BMP2K: variants seen among roughly 807,000 people sequenced by gnomAD.
BMP2K encodes BMP-2-inducible protein kinase.
In BMP2K, 74 loss-of-function variants were observed where a neutral mutation model predicts 116.0. The observed-to-expected ratio is 0.64, with a 90% CI of 0.53 to 0.77. The LOEUF (loss-of-function observed/expected upper bound fraction) is 0.77. Ranked by LOEUF, BMP2K falls within the 30% of genes least tolerant of loss-of-function variation. BMP2K has a pLI of 0.00. For synonymous variants in BMP2K, 486 were observed against 502.5 expected, an observed-to-expected ratio of 0.97 and a Z score of 0.44; for missense variants, 1,365 against 1,403.6, an observed-to-expected ratio of 0.97 and a Z score of 0.44.
chr4:78,828,395 A>G (rs1167770957), intron 2 of BMP2K, among the ~76,000 whole-genome samples: 1 of 152,186 alleles, frequency 6.6e-6, no homozygotes, highest in Non-Finnish European at 1.5e-5. Context: ...GAACCCTCAC[A>G]TATTCAGCTA....
chr4:78,915,865 C>T lies in BMP2K; in HGVS notation c.*3832C>T, dbSNP rs552956287. On this transcript the variant is annotated 3_prime_UTR_variant, in exon 16 of 16. Coordinates refer to ENST00000502613, the MANE Select transcript of BMP2K (RefSeq NM_198892.2). Reference sequence around the variant, plus strand: ...TGAAAGAATTGTTTTTATGACTATGCTCTTTTTGTGATTGAAAAGTCATCT... The same window carrying T: ...TGAAAGAATTGTTTTTATGACTATGTTCTTTTTGTGATTGAAAAGTCATCT... The T allele has an allele frequency of 6.6e-6, 1 of 151,806 alleles. No homozygotes were observed. The highest frequency in any genetic ancestry group is 1.5e-5 in the Non-Finnish European group (1 of 67,830). The allele number at this position is 151,806 out of a possible 1,614,324, so 9.4% of individuals were successfully genotyped here. A position where few individuals can be genotyped will look rare whatever the true frequency, so the allele number is the denominator to read the frequency against.
chr4:78,868,883 C>T (rs564899992), intron 10 of BMP2K, among the ~76,000 whole-genome samples: 2 of 152,280 alleles, frequency 1.3e-5, no homozygotes, highest in Admixed American at 6.5e-5. Flanking sequence ...GTGTCTCTCC[C>T]GGCGGCTTTC....
intron 14 of BMP2K, among the ~76,000 whole-genome samples, chr4:78,882,914 G>C (rs1487269587): frequency 6.6e-6 from 1 of 151,956 alleles, no homozygotes; most frequent in African/African-American, 2.4e-5. Flanking sequence ...AACTATTACT[G>C]TTCCTTCAGT....
chr4:78,914,354 ACTTT>A lies in BMP2K; in HGVS notation c.*2325_*2328del, dbSNP rs931320164. 3 of 152,098 alleles carry A rather than the reference ACTTT, an allele frequency of 2.0e-5. No homozygotes were observed. Among genetic ancestry groups the A allele is most frequent in the African/African-American group, 7.2e-5 (3 of 41,440 alleles). 9.4% of individuals were successfully genotyped at this position (152,098 alleles called of 1,614,324 possible). A position where few individuals can be genotyped will look rare whatever the true frequency, so the allele number is the denominator to read the frequency against. ...TACATTCTTATAACACAGCACAGTGACTTTCTTCTTTCAAGATTGTAGCTCAGAG... is the reference window on the plus strand; with the variant it reads ...TACATTCTTATAACACAGCACAGTGACTTCTTTCAAGATTGTAGCTCAGAG... On this transcript the variant is annotated 3_prime_UTR_variant, in exon 16 of 16. Transcript: ENST00000502613.
At chr4:78,869,633 A>T (rs1411584991) in intron 10 of BMP2K, among the ~76,000 whole-genome samples, 1 of 152,192 alleles carries the variant, frequency 6.6e-6, no homozygotes, top group Non-Finnish European at 1.5e-5. Flanking sequence ...GTACTCCATG[A>T]ATATGTACAA....
intron 14 of BMP2K, among the ~76,000 whole-genome samples, chr4:78,885,592 C>T (rs893480178): frequency 6.6e-6 from 1 of 152,184 alleles, no homozygotes; most frequent in Non-Finnish European, 1.5e-5. Context: ...TGGGTTCTGC[C>T]TCCCCTACAC....
At chr4:78,848,908 C>G (rs1345161659) in intron 6 of BMP2K, among the ~76,000 whole-genome samples, 3 of 129,520 alleles carry the variant, frequency 2.3e-5, no homozygotes, top group Admixed American at 7.0e-5. Context: ...TTACTTAGCT[C>G]AGGTGAAACA....
chr4:78,910,775 A>AT lies in BMP2K; in HGVS notation c.2232dup (p.Glu745Ter). 6.2e-7 allele frequency: 1 copy of AT among 1,613,872 alleles called. No individual in the cohort carries two copies. On this transcript the variant is annotated frameshift_variant, in exon 16 of 16. Coordinates refer to ENST00000502613, the MANE Select transcript of BMP2K (RefSeq NM_198892.2). LOFTEE classifies it high-confidence loss of function. ...AAGGGGAATGATGAATCTGAAAGTG[A>AT]TTTTGAATCAGATCCCCCTTCTCCT...
In BMP2K at chr4:78,897,635, T is replaced by C. The variant is rs144711890; in HGVS notation, c.2062+10351T>C. ...ACTTTTTGATCCTTTTTCTTGCTACTTCTGTGTTTTCATAGCATTTTTTAT... is the reference window on the plus strand; with the variant it reads ...ACTTTTTGATCCTTTTTCTTGCTACCTCTGTGTTTTCATAGCATTTTTTAT... On this transcript the variant is annotated intron_variant, in intron 15 of 15. Transcript: ENST00000502613. 4.8e-4 allele frequency among the ~76,000 whole-genome samples: 73 copies of C among 152,322 alleles called. 1 individual carries two copies. In the East Asian group the frequency reaches 0.014, roughly 29 times the overall value.
chr4:78,855,256 T>C (rs935099103), intron 7 of BMP2K, among the ~76,000 whole-genome samples: 1 of 152,166 alleles, frequency 6.6e-6, no homozygotes, highest in Non-Finnish European at 1.5e-5. Flanking sequence ...ATAATGTTGA[T>C]GCATGAAATA....
rs3775525 is a variant in BMP2K at position 78,778,781 on chromosome 4, A to C, written c.178+2060A>C. ...GTTCGCATTTAAGCGTGATTAATCA[A>C]TAATTGATGGGTCTGCCTGATCATA... is the stretch of plus-strand genomic sequence containing the variant. On this transcript the variant is annotated intron_variant, in intron 1 of 15. Transcript: ENST00000502613. 6.6e-5 allele frequency among the ~76,000 whole-genome samples: 10 copies of C among 152,308 alleles called. No individual in the cohort carries two copies. The East Asian group carries it at 1.9e-3, about 29-fold the overall frequency.
chr4:78,817,195 A>G (rs1271650890), intron 1 of BMP2K, among the ~76,000 whole-genome samples: 2 of 152,240 alleles, frequency 1.3e-5, no homozygotes, highest in Admixed American at 6.5e-5. Context: ...CTGTGTTCCA[A>G]AAACAATTCT....
In BMP2K at chr4:78,776,612, T is replaced by TGGCGGGGCCGGGGCCGGGGCCGGC. The variant is rs1727251993; in HGVS notation, c.70_93dup (p.Gly24_Gly31dup). On this transcript the variant is annotated inframe_insertion, in exon 1 of 16. Coordinates refer to ENST00000502613, the MANE Select transcript of BMP2K (RefSeq NM_198892.2). ...GCGGCGGAGCGGCGGGTGGCGGGGC[T>TGGCGGGGCCGGGGCCGGGGCCGGC]GGCGGGGCCGGGGCCGGGGCCGGCT... 8.7e-7 allele frequency: 1 copy of TGGCGGGGCCGGGGCCGGGGCCGGC among 1,150,272 alleles called. No homozygotes were observed. The highest frequency in any genetic ancestry group is 4.3e-5 in the South Asian group (1 of 23,232). 71.3% of individuals were successfully genotyped at this position (1,150,272 alleles called of 1,614,324 possible).
chr4:78,801,645 C>G (rs1052828339), intron 1 of BMP2K, among the ~76,000 whole-genome samples: 1 of 152,058 alleles, frequency 6.6e-6, no homozygotes, highest in African/African-American at 2.4e-5. Context: ...TCTCTTTTCT[C>G]CATTTTATTT....
At chr4:78,859,724 T>C in intron 8 of BMP2K, 37 bp downstream of exon 8, 1 of 1,383,018 alleles carries the variant, frequency 7.2e-7, no homozygotes, top group Non-Finnish European at 1.0e-6. Context: ...AATTTAAAAT[T>C]CATTTTATCG....
rs1734962936 is a variant in BMP2K, at chr4:78,915,472, T to G, written c.*3439T>G. ...TGTGCAGTAAACTTTTTTCTCATTT[T>G]TTTTTCTTTTTAGCAAACTTGTTAT... is the stretch of plus-strand genomic sequence containing the variant. On this transcript the variant is annotated 3_prime_UTR_variant, in exon 16 of 16. Coordinates refer to ENST00000502613, the MANE Select transcript of BMP2K (RefSeq NM_198892.2). 2 of 151,984 alleles carry G rather than the reference T, an allele frequency of 1.3e-5. No homozygotes were observed. Among genetic ancestry groups the G allele is most frequent in the Non-Finnish European group, 2.9e-5 (2 of 67,904 alleles). 9.4% of individuals were successfully genotyped at this position (151,984 alleles called of 1,614,324 possible).
At chr4:78,843,879 T>G (rs1730875137) in intron 4 of BMP2K, among the ~76,000 whole-genome samples, 1 of 151,944 alleles carries the variant, frequency 6.6e-6, no homozygotes, top group Admixed American at 6.6e-5. Flanking sequence ...AATTTTGTAT[T>G]GTCCATATTT....
At chr4:78,776,933 C>G (rs1727279358) in intron 1 of BMP2K, among the ~76,000 whole-genome samples, 1 of 152,140 alleles carries the variant, frequency 6.6e-6, no homozygotes, top group Admixed American at 6.5e-5. Context: ...ACAGTTCTCT[C>G]ATGCCTAGTT....
At position 78,912,257 on chromosome 4, in the gene BMP2K, AG is replaced by A. The variant is rs1403853572; in HGVS notation, c.*227del. On this transcript the variant is annotated 3_prime_UTR_variant, in exon 16 of 16. Transcript: ENST00000502613. ...GGAGCTAAATTGCAAGCTCTAACTA[AG>A]GGTTTCTGCTACTGACATCACAACA... 1 of 476,984 alleles carries A rather than the reference AG, an allele frequency of 2.1e-6. No individual in the cohort carries two copies. Among genetic ancestry groups the A allele is most frequent in the Non-Finnish European group, 3.7e-6 (1 of 271,228 alleles). 29.5% of individuals were successfully genotyped at this position (476,984 alleles called of 1,614,324 possible). A position where few individuals can be genotyped will look rare whatever the true frequency, so the allele number is the denominator to read the frequency against.
Sources: allele counts gnomAD v4.1 joint callset (sites outside exome capture counted in the v4.1 genomes callset), GRCh38; gene constraint gnomAD v4.1.1; transcripts MANE v1.5; gene names NCBI Gene and HGNC (gene_info 2026-07-23, HGNC 2026-07-21).